Variants in ADGRG7 observed in about 807,000 individuals in gnomAD.
The protein encoded by ADGRG7 is adhesion G protein-coupled receptor G7.
Under a neutral mutation model 88.6 loss-of-function variants are expected in ADGRG7, and 82 were observed. The ratio of observed to expected loss-of-function variants is 0.93; its 90% CI spans 0.77 to 1.11. The LOEUF is 1.11. Among genes scored for constraint, ADGRG7 ranks in the 50% most tolerant of loss-of-function variants. The pLI is 0.00. For missense variants in ADGRG7, 945 were observed against 953.4 expected (o/e 0.99, Z 0.12); for synonymous variants, 381 against 345.2 (o/e 1.10, Z -1.15).
chr3:100,667,085 G>A (rs1448649906), intron 14 of ADGRG7, among the ~76,000 whole-genome samples: 1 of 151,946 alleles, frequency 6.6e-6, no homozygotes, highest in Non-Finnish European at 1.5e-5. Context: ...GATCTCTCTT[G>A]CTTTTCCCCA....
At chr3:100,619,092 G>T (rs1381443992) in intron 1 of ADGRG7, among the ~76,000 whole-genome samples, 1 of 152,100 alleles carries the variant, frequency 6.6e-6, no homozygotes, top group Non-Finnish European at 1.5e-5. Flanking sequence ...TGGTGAAGTT[G>T]CCTGTCAGCT....
At chr3:100,685,949 C>G (rs2094981813) in intron 15 of ADGRG7, among the ~76,000 whole-genome samples, 1 of 151,040 alleles carries the variant, frequency 6.6e-6, no homozygotes, top group Admixed American at 6.6e-5. Flanking sequence ...GGAATCGCCA[C>G]ACTGACTTCC....
intron 15 of ADGRG7, among the ~76,000 whole-genome samples, chr3:100,691,331 C>T (rs533536891): frequency 2.0e-5 from 3 of 152,298 alleles, no homozygotes; most frequent in Admixed American, 2.0e-4. Flanking sequence ...CAATGCCTCG[C>T]CCTGCTTCAG....
chr3:100,647,000 A>T (rs536697711), intron 10 of ADGRG7, among the ~76,000 whole-genome samples: 1 of 152,266 alleles, frequency 6.6e-6, no homozygotes, highest in Non-Finnish European at 1.5e-5. Context: ...TCTACTAAAA[A>T]TACAGAAATT....
intron 14 of ADGRG7, among the ~76,000 whole-genome samples, chr3:100,661,385 C>A (rs1466443894): frequency 6.6e-6 from 1 of 152,230 alleles, no homozygotes; most frequent in Admixed American, 6.5e-5. Context: ...AAGCCACCAT[C>A]TTTAGTGGGA....
chr3:100,627,599 T>C (rs573015201), intron 1 of ADGRG7, among the ~76,000 whole-genome samples: 1 of 152,208 alleles, frequency 6.6e-6, no homozygotes, highest in Non-Finnish European at 1.5e-5. Flanking sequence ...GGGAAGTTTC[T>C]TCATTTCTTT....
intron 1 of ADGRG7, among the ~76,000 whole-genome samples, chr3:100,628,339 T>C (rs1191218182): frequency 6.6e-6 from 1 of 151,904 alleles, no homozygotes; most frequent in Non-Finnish European, 1.5e-5. Flanking sequence ...TATTCCATCA[T>C]TATTGAAACT....
chr3:100,677,794 A>T (rs2094967623), intron 15 of ADGRG7, among the ~76,000 whole-genome samples: 1 of 152,146 alleles, frequency 6.6e-6, no homozygotes, highest in Non-Finnish European at 1.5e-5. Context: ...GCTGCCAGAC[A>T]AATTGAAGCT....
intron 10 of ADGRG7, among the ~76,000 whole-genome samples, 182 bp downstream of exon 10, chr3:100,646,906 C>G (rs1262405667): frequency 6.6e-6 from 1 of 152,088 alleles, no homozygotes; most frequent in East Asian, 1.9e-4. Context: ...ACGCCTGTAA[C>G]CCCAGAACTT....
intron 1 of ADGRG7, among the ~76,000 whole-genome samples, chr3:100,620,122 C>A (rs922230843): frequency 6.6e-6 from 1 of 152,178 alleles, no homozygotes; most frequent in Non-Finnish European, 1.5e-5. Flanking sequence ...GAATTTTAGA[C>A]CAATATCCCT....
chr3:100,667,903 AC>A (rs2094953837), intron 14 of ADGRG7, among the ~76,000 whole-genome samples: 1 of 151,988 alleles, frequency 6.6e-6, no homozygotes, highest in South Asian at 2.1e-4. Flanking sequence ...TGTGCTTGAA[AC>A]CCAGGGCGCT....
chr3:100,645,039 C>G (rs1707718387), intron 8 of ADGRG7, among the ~76,000 whole-genome samples: 1 of 152,192 alleles, frequency 6.6e-6, no homozygotes, highest in East Asian at 1.9e-4. Flanking sequence ...TTGCCTGTCT[C>G]CCTCTCAAAT....
intron 1 of ADGRG7, among the ~76,000 whole-genome samples, chr3:100,613,856 T>C (rs900810940): frequency 1.8e-4 from 28 of 152,128 alleles, no homozygotes; most frequent in Admixed American, 1.6e-3. Context: ...AGGGGAAAAA[T>C]GTACAAGAGT....
rs139133596 is a variant in ADGRG7 at position 100,645,989 on chromosome 3, C to G, written c.991C>G (p.Leu331Val). 925 of 1,613,664 alleles carry G rather than the reference C, an allele frequency of 5.7e-4. 2 individuals are homozygous for G. The highest frequency in any genetic ancestry group is 7.6e-4 in the Non-Finnish European group (893 of 1,179,844). ...CTTTGTAGTTTATCAAAATGACAAGCTTTTCCAATCAAAAACTTTTACAGC... is the reference window on the plus strand; with the variant it reads ...CTTTGTAGTTTATCAAAATGACAAGGTTTTCCAATCAAAAACTTTTACAGC... ...CGFVVYQNDK[L>V]FQSKTFTAKS... Residue 331 changes from leucine to valine, a missense_variant, in exon 9 of 16, where the codon CTT (leucine) becomes GTT (valine). By Grantham distance (32) the Leu-to-Val change is conservative. Coordinates refer to ENST00000273352, the MANE Select transcript of ADGRG7 (RefSeq NM_032787.3).
intron 1 of ADGRG7, among the ~76,000 whole-genome samples, chr3:100,614,071 G>C (rs1707194314): frequency 6.6e-6 from 1 of 152,188 alleles, no homozygotes; most frequent in South Asian, 2.1e-4. Context: ...CTAGGACGTT[G>C]TAAGTACTTA....
At chr3:100,691,506 C>T (rs2094993741) in intron 15 of ADGRG7, among the ~76,000 whole-genome samples, 2 of 152,064 alleles carry the variant, frequency 1.3e-5, no homozygotes, top group African/African-American at 4.8e-5. Flanking sequence ...ATCTTGGCTC[C>T]ACCCTTCCCC....
intron 15 of ADGRG7, among the ~76,000 whole-genome samples, chr3:100,673,467 CTT>C (rs34998185): frequency 1.2e-3 from 167 of 136,656 alleles, no homozygotes; most frequent in Non-Finnish European, 1.7e-3. Flanking sequence ...TTTTCTTCTT[CTT>C]TTTTTTTTTT....
In ADGRG7 at chr3:100,630,729, A is replaced by C; in HGVS notation, c.254A>C (p.Tyr85Ser). The change falls in exon 3 of 16, where the codon TAT (tyrosine) becomes TCT (serine). Residue 85 changes from tyrosine (Y) to serine (S), a missense_variant. Physicochemically the swap from Tyr to Ser is moderately radical, Grantham distance 144 (BLOSUM62 -2). Coordinates refer to ENST00000273352, the MANE Select transcript of ADGRG7 (RefSeq NM_032787.3). The stretch of plus-strand genomic sequence containing the variant: ...GCTAATTTTTGTGAAAATAGTACCT[A>C]TATGGGTTTTACTTTTGCCAGAATC... ...TIANFCENST[Y>S]MGFTFARIPV... 1.4e-6 allele frequency: 2 copies of C among 1,457,162 alleles called. No individual in the cohort carries two copies. The highest frequency in any genetic ancestry group is 1.8e-6 in the Non-Finnish European group (2 of 1,100,936). The allele number at this position is 1,457,162 out of a possible 1,614,324, so 90.3% of individuals were successfully genotyped here.
intron 10 of ADGRG7, among the ~76,000 whole-genome samples, chr3:100,646,966 T>G (rs185413846): frequency 7.9e-5 from 12 of 152,294 alleles, no homozygotes; most frequent in Admixed American, 2.0e-4. Flanking sequence ...GAGACCAGCC[T>G]GACCAACATG....
Sources: gnomAD v4.1 joint callset for allele counts (sites outside exome capture counted in the v4.1 genomes callset) on GRCh38, gnomAD v4.1.1 for gene constraint, MANE v1.5 for transcripts, NCBI Gene and HGNC (gene_info 2026-07-23, HGNC 2026-07-21) for gene names.